Variants in SAXO1 observed in about 807,000 individuals in gnomAD.
SAXO1 encodes the protein 4930500O09Rik.
In SAXO1, 21 loss-of-function variants were observed where a neutral mutation model predicts 17.5. That is an observed-to-expected ratio of 1.20 (90% CI 0.85 to 1.72). The LOEUF is 1.72. Ranked by LOEUF, SAXO1 falls within the 40% of genes most tolerant of loss-of-function variation. The probability of loss-of-function intolerance (pLI) is 0.00; values close to 1 mark genes in which losing one functional copy is unlikely to be tolerated. For synonymous variants in SAXO1, 274 were observed against 216.5 expected (o/e 1.27, Z -2.33); for missense variants, 843 against 596.0 (o/e 1.41, Z -4.32).
At chr9:18,961,710 G>A (rs1338374278) in intron 1 of SAXO1, among the ~76,000 whole-genome samples, 1 of 152,136 alleles carries the variant, frequency 6.6e-6, no homozygotes, top group Non-Finnish European at 1.5e-5. Flanking sequence ...GTGTATATGT[G>A]CCACATTTTC....
chr9:19,044,008 TG>T (rs1836142712), intron 1 of SAXO1, among the ~76,000 whole-genome samples: 3 of 151,580 alleles, frequency 2.0e-5, no homozygotes. Context: ...AGCCAGGTTT[TG>T]TGGCAGGTGC....
chr9:19,013,618 C>G (rs887352220), intron 1 of SAXO1, among the ~76,000 whole-genome samples: 1 of 148,500 alleles, frequency 6.7e-6, no homozygotes, highest in Non-Finnish European at 1.5e-5. Flanking sequence ...ACAATCTCCG[C>G]TCACTGCAAC....
At chr9:19,022,675 G>T (rs1031423394) in intron 1 of SAXO1, among the ~76,000 whole-genome samples, 2 of 152,180 alleles carry the variant, frequency 1.3e-5, no homozygotes, top group African/African-American at 4.8e-5. Flanking sequence ...AAACTTAACT[G>T]ATTTTTTACA....
chr9:18,963,363 G>A (rs936002584), intron 1 of SAXO1, among the ~76,000 whole-genome samples: 2 of 152,178 alleles, frequency 1.3e-5, no homozygotes, highest in Admixed American at 6.5e-5. Flanking sequence ...AGCTTGATGG[G>A]AATAGCATTG....
intron 1 of SAXO1, among the ~76,000 whole-genome samples, chr9:19,047,551 C>G (rs1209537115): frequency 1.3e-5 from 2 of 151,258 alleles, no homozygotes; most frequent in East Asian, 3.8e-4. Flanking sequence ...CAAATTTGGG[C>G]TCAACAATGC....
In SAXO1 at chr9:18,959,990, G is replaced by T. The variant is rs1832418450; in HGVS notation, c.39-9053C>A. Among the ~76,000 whole-genome samples the T allele has an allele frequency of 2.0e-5, 3 of 152,146 alleles. No individual in the cohort carries two copies. In the South Asian group the frequency reaches 6.2e-4, roughly 32 times the overall value. On this transcript the variant is annotated intron_variant, in intron 1 of 3. Transcript: ENST00000380534. ...GATGAGAGAAGCCCTGTTGGAATGG[G>T]CAGGCAGGCATCAGGCTGAGTGGGC...
intron 3 of SAXO1, among the ~76,000 whole-genome samples, chr9:18,930,048 G>A (rs962634431): frequency 6.6e-6 from 1 of 152,174 alleles, no homozygotes; most frequent in Non-Finnish European, 1.5e-5. Flanking sequence ...AAGTCACATG[G>A]CTAGTGAGGT....
intron 1 of SAXO1, among the ~76,000 whole-genome samples, chr9:18,996,341 T>C (rs1461052897): frequency 2.0e-5 from 3 of 152,222 alleles, no homozygotes; most frequent in African/African-American, 4.8e-5. Flanking sequence ...AATTTCGTCA[T>C]TGTGCAAACA....
chr9:18,939,308 C>T (rs971847700), intron 3 of SAXO1, among the ~76,000 whole-genome samples: 1 of 152,246 alleles, frequency 6.6e-6, no homozygotes, highest in African/African-American at 2.4e-5. Flanking sequence ...CCCCAACACC[C>T]TACCCATGGT....
At chr9:19,046,897 G>C (rs1203216107) in intron 1 of SAXO1, among the ~76,000 whole-genome samples, 3 of 151,084 alleles carry the variant, frequency 2.0e-5, no homozygotes, top group African/African-American at 4.9e-5. Flanking sequence ...TTTTTAAAAA[G>C]AAAAGAAGGC....
chr9:18,973,042 CGGGGAGCTGCAAA>C (rs1833009329), intron 1 of SAXO1, among the ~76,000 whole-genome samples: 1 of 152,164 alleles, frequency 6.6e-6, no homozygotes, highest in Non-Finnish European at 1.5e-5. Flanking sequence ...CCTGGCTGCA[CGGGGAGCTGCAAA>C]ATCAAAGATG....
At chr9:19,018,309 C>G (rs543499408) in intron 1 of SAXO1, among the ~76,000 whole-genome samples, 19 of 152,224 alleles carry the variant, frequency 1.2e-4, no homozygotes, top group African/African-American at 4.6e-4. Flanking sequence ...AAATTCATTT[C>G]TAGATAGAGC....
At chr9:19,012,614 C>A (rs896125956) in intron 1 of SAXO1, among the ~76,000 whole-genome samples, 35 of 152,206 alleles carry the variant, frequency 2.3e-4, no homozygotes, top group Non-Finnish European at 3.4e-4. Context: ...GGGGCTCAAC[C>A]CACCCAGTCC....
chr9:18,935,393 T>C (rs1047380788), intron 3 of SAXO1, among the ~76,000 whole-genome samples: 9 of 152,178 alleles, frequency 5.9e-5, no homozygotes, highest in Non-Finnish European at 1.0e-4. Flanking sequence ...TTACTTCCTA[T>C]TGGGCTTTCT....
chr9:18,942,037 C>T (rs1420268817), intron 2 of SAXO1, among the ~76,000 whole-genome samples, 198 bp from the exon 3 acceptor site: 1 of 116,206 alleles, frequency 8.6e-6, no homozygotes, highest in African/African-American at 5.7e-5. Flanking sequence ...CCAACTCAGA[C>T]ACCTGTATTC....
chr9:19,011,439 G>A (rs1396915396), intron 1 of SAXO1, among the ~76,000 whole-genome samples: 1 of 152,168 alleles, frequency 6.6e-6, no homozygotes, highest in Non-Finnish European at 1.5e-5. Context: ...CACGCCCGAT[G>A]CACATGCAGA....
chr9:18,938,821 C>CGTGT (rs67090530), intron 3 of SAXO1, among the ~76,000 whole-genome samples: 394 of 78,570 alleles, frequency 5.0e-3, no homozygotes, highest in South Asian at 0.025. Flanking sequence ...TGCGTGCGTG[C>CGTGT]GTGTGTGTGT....
At chr9:19,026,947 A>G in intron 1 of SAXO1, 1 of 869,592 alleles carries the variant, frequency 1.1e-6, no homozygotes, top group Non-Finnish European at 2.0e-6. Flanking sequence ...GAGGTGCTCA[A>G]CATGTCCACG....
At chr9:18,979,695 A>T (rs2131816574) in intron 1 of SAXO1, among the ~76,000 whole-genome samples, 1 of 152,312 alleles carries the variant, frequency 6.6e-6, no homozygotes, top group African/African-American at 2.4e-5. Flanking sequence ...CTAGAATTGG[A>T]GGCAGCATAG....
Sources: allele counts gnomAD v4.1 joint callset (sites outside exome capture counted in the v4.1 genomes callset), GRCh38; gene constraint gnomAD v4.1.1; transcripts MANE v1.5; gene names NCBI Gene and HGNC (gene_info 2026-07-23, HGNC 2026-07-21).